Variants in C12orf56 observed in about 807,000 individuals in gnomAD.
The protein encoded by C12orf56 is chromosome 12 open reading frame 56.
C12orf56 carries 71 observed loss-of-function variants against 69.9 expected under a neutral mutation model. The ratio of observed to expected loss-of-function variants is 1.02; its 90% CI spans 0.84 to 1.24. The LOEUF (loss-of-function observed/expected upper bound fraction) is 1.24, where lower values mean the gene tolerates loss of function less well. C12orf56 is among the 50% of genes most tolerant of loss of function. C12orf56 has a pLI of 0.00. For synonymous variants in C12orf56, 276 were observed against 274.1 expected (o/e 1.01, Z -0.07); for missense variants, 732 against 738.5 (o/e 0.99, Z 0.10).
chr12:64,284,045 G>A (rs571744189), intron 8 of C12orf56, among the ~76,000 whole-genome samples: 2 of 151,722 alleles, frequency 1.3e-5, no homozygotes, highest in African/African-American at 4.8e-5. Flanking sequence ...TTACAAGTGC[G>A]CACCACCATG....
intron 9 of C12orf56, 75 bp from the exon 10 acceptor site, chr12:64,275,447 A>G: frequency 3.0e-6 from 2 of 659,256 alleles, no homozygotes; most frequent in East Asian, 3.2e-5. Context: ...GGTTCCCTTT[A>G]GGTACTTATA....
At chr12:64,284,856 A>G (rs933030269) in intron 7 of C12orf56, 103 bp from the exon 8 acceptor site, 2 of 790,748 alleles carry the variant, frequency 2.5e-6, no homozygotes, top group Non-Finnish European at 4.0e-6. Context: ...CCAGATATCC[A>G]TACAGAAAAA....
intron 8 of C12orf56, among the ~76,000 whole-genome samples, chr12:64,281,058 G>A (rs927123863): frequency 1.3e-5 from 2 of 151,892 alleles, no homozygotes; most frequent in African/African-American, 4.8e-5. Context: ...TGGATCACCT[G>A]AGGACAGGAG....
intron 2 of C12orf56, chr12:64,338,140 A>G (rs1375052582): frequency 5.6e-6 from 3 of 536,594 alleles, no homozygotes; most frequent in African/African-American, 3.9e-5. Flanking sequence ...TCACAGCAGG[A>G]GAGCTGAGGA....
Position 64,266,619 on chromosome 12 carries a change from C to T in C12orf56, c.*564G>A. On this transcript the variant is annotated 3_prime_UTR_variant, in exon 13 of 13. Coordinates refer to ENST00000543942, the MANE Select transcript of C12orf56 (RefSeq NM_001170633.2). Reference sequence around the variant, plus strand: ...AGTCGAAATAATGGTTTTTGGATGGCTCTGAGTACAGAATCGGGTGAAGAG... The same window carrying T: ...AGTCGAAATAATGGTTTTTGGATGGTTCTGAGTACAGAATCGGGTGAAGAG... 1.5e-6 allele frequency: 1 copy of T among 688,184 alleles called. No homozygotes were observed. Among genetic ancestry groups the T allele is most frequent in the Non-Finnish European group, 2.1e-6 (1 of 477,242 alleles). 42.6% of individuals were successfully genotyped at this position (688,184 alleles called of 1,614,324 possible).
intron 12 of C12orf56, among the ~76,000 whole-genome samples, chr12:64,270,057 G>C (rs562755324): frequency 6.6e-6 from 1 of 152,084 alleles, no homozygotes; most frequent in South Asian, 2.1e-4. Flanking sequence ...GTTCTTAGAG[G>C]TCCCCAAAAT....
In C12orf56 at chr12:64,285,942, G is replaced by C. The variant is rs760006292; in HGVS notation, c.1220+12C>G. Reference sequence around the variant, plus strand: ...AAAAAAAAAAATCGATGATTATCTAGTTAGTACTTACACCAGCTCATCAAC... The same window carrying C: ...AAAAAAAAAAATCGATGATTATCTACTTAGTACTTACACCAGCTCATCAAC... On this transcript the variant is annotated intron_variant, in intron 7 of 12. Coordinates refer to ENST00000543942, the MANE Select transcript of C12orf56 (RefSeq NM_001170633.2). The C allele has an allele frequency of 1.3e-6, 2 of 1,527,534 alleles. No individual in the cohort carries two copies. Among genetic ancestry groups the C allele is most frequent in the East Asian group, 4.5e-5 (2 of 44,212 alleles). 94.6% of individuals were successfully genotyped at this position (1,527,534 alleles called of 1,614,324 possible). A position where few individuals can be genotyped will look rare whatever the true frequency, so the allele number is the denominator to read the frequency against.
intron 5 of C12orf56, among the ~76,000 whole-genome samples, chr12:64,308,064 AT>A (rs1311255688): frequency 1.3e-5 from 2 of 152,042 alleles, no homozygotes; most frequent in African/African-American, 4.8e-5. Context: ...CGTGCCTGTA[AT>A]CCTAGCACTT....
At chr12:64,307,101 C>T (rs555231371) in intron 5 of C12orf56, among the ~76,000 whole-genome samples, 3 of 152,258 alleles carry the variant, frequency 2.0e-5, no homozygotes, top group Non-Finnish European at 4.4e-5. Context: ...GAATTTGAGT[C>T]TGTTTTATTA....
chr12:64,372,181 T>C (rs1326357829), intron 1 of C12orf56, among the ~76,000 whole-genome samples: 3 of 152,162 alleles, frequency 2.0e-5, no homozygotes, highest in Non-Finnish European at 4.4e-5. Context: ...ATATTATATG[T>C]TATAGTTGAG....
chr12:64,381,713 G>A (rs145684689), intron 1 of C12orf56, among the ~76,000 whole-genome samples: 253 of 152,276 alleles, frequency 1.7e-3, no homozygotes, highest in African/African-American at 5.7e-3. Flanking sequence ...AATTTCAAAA[G>A]TCTAGTTAAG....
Position 64,285,967 on chromosome 12 carries a change from C to T in C12orf56, c.1207G>A (p.Val403Ile), listed in dbSNP as rs1258688549. The T allele has an allele frequency of 6.3e-7, 1 of 1,598,310 alleles. No homozygotes were observed. The highest frequency in any genetic ancestry group is 8.6e-7 in the Non-Finnish European group (1 of 1,169,148). ...GTTAGTACTTACACCAGCTCATCAA[C>T]CCTTTGGCTTTGATTTTGTAGTGCA... ...KNALQNQSQR[V>I]DELVACIEII... is the part of the protein sequence containing the mutation. The change falls in exon 7 of 13, where the codon GTT becomes ATT. Residue 403 changes from valine (V) to isoleucine (I), a missense_variant. Physicochemically the swap from Val to Ile is conservative, Grantham distance 29. Coordinates refer to ENST00000543942, the MANE Select transcript of C12orf56 (RefSeq NM_001170633.2).
At chr12:64,376,095 T>G (rs2039635968) in intron 1 of C12orf56, among the ~76,000 whole-genome samples, 5 of 152,092 alleles carry the variant, frequency 3.3e-5, no homozygotes, top group Admixed American at 3.3e-4. Flanking sequence ...GCAGCCAACA[T>G]TGGTCAATAG....
At chr12:64,358,859 C>T (rs539788619) in intron 1 of C12orf56, among the ~76,000 whole-genome samples, 1 of 152,188 alleles carries the variant, frequency 6.6e-6, no homozygotes, top group South Asian at 2.1e-4. Context: ...CAGAACAAAA[C>T]TCTAACAGAA....
chr12:64,304,028 C>G (rs561072778), intron 5 of C12orf56, among the ~76,000 whole-genome samples: 6 of 152,308 alleles, frequency 3.9e-5, no homozygotes, highest in Admixed American at 6.5e-5. Context: ...CAGGAATACT[C>G]TCACTGTCCC....
chr12:64,339,894 G>C (rs2039052083), intron 2 of C12orf56, among the ~76,000 whole-genome samples: 1 of 151,962 alleles, frequency 6.6e-6, no homozygotes, highest in Non-Finnish European at 1.5e-5. Flanking sequence ...AGAATTAATG[G>C]AATAAATATA....
At chr12:64,336,170 T>C (rs2038994022) in intron 2 of C12orf56, among the ~76,000 whole-genome samples, 1 of 152,184 alleles carries the variant, frequency 6.6e-6, no homozygotes, top group Non-Finnish European at 1.5e-5. Flanking sequence ...AGCATTACTG[T>C]TGGCATAATG....
chr12:64,283,194 T>A (rs751788612), intron 8 of C12orf56, among the ~76,000 whole-genome samples: 2 of 149,432 alleles, frequency 1.3e-5, no homozygotes, highest in South Asian at 2.1e-4. Flanking sequence ...TTAATGAAAT[T>A]AGGGCCAGTC....
At chr12:64,377,602 C>T (rs542634674) in intron 1 of C12orf56, among the ~76,000 whole-genome samples, 1 of 152,250 alleles carries the variant, frequency 6.6e-6, no homozygotes, top group South Asian at 2.1e-4. Context: ...GTGAATAAAT[C>T]TATATTTATC....
Sources: gnomAD v4.1 joint callset for allele counts (sites outside exome capture counted in the v4.1 genomes callset) on GRCh38, gnomAD v4.1.1 for gene constraint, MANE v1.5 for transcripts, NCBI Gene and HGNC (gene_info 2026-07-23, HGNC 2026-07-21) for gene names.